FHOD1: variants seen among roughly 807,000 people sequenced by gnomAD.
FHOD1 encodes the protein FH1/FH2 domain-containing protein 1.
Under a neutral mutation model 111.6 loss-of-function variants are expected in FHOD1, and 89 were observed. That is an observed-to-expected ratio of 0.80 (90% CI 0.67 to 0.95). The LOEUF (loss-of-function observed/expected upper bound fraction) is 0.95, where lower values mean the gene tolerates loss of function less well. Among genes scored for constraint, FHOD1 ranks in the 40% least tolerant of loss-of-function variants. The probability of loss-of-function intolerance (pLI) is 0.00; values close to 1 mark genes in which losing one functional copy is unlikely to be tolerated. For synonymous variants in FHOD1, 618 were observed against 639.0 expected (o/e 0.97, Z 0.50); for missense variants, 1,446 against 1,554.2 (o/e 0.93, Z 1.17).
intron 1 of FHOD1, among the ~76,000 whole-genome samples, chr16:67,246,229 G>A (rs2034822529): frequency 6.6e-6 from 1 of 152,206 alleles, no homozygotes; most frequent in African/African-American, 2.4e-5. Context: ...TACGCAACTC[G>A]CCGCCCAGCT....
At chr16:67,241,127 C>G (rs1446582568) in intron 1 of FHOD1, among the ~76,000 whole-genome samples, 1 of 133,600 alleles carries the variant, frequency 7.5e-6, no homozygotes, top group Non-Finnish European at 1.6e-5. Flanking sequence ...CCCCCCCCCG[C>G]CCACCCCCGC....
rs77703994 is a variant in FHOD1 at position 67,234,625 on chromosome 16, C to G, written c.1320-153G>C. The G allele has an allele frequency of 8.5e-4, 529 of 621,308 alleles. 6 individuals are homozygous for G. The East Asian group carries it at 9.4e-3, about 11-fold the overall frequency. The allele number at this position is 621,308 out of a possible 1,614,324, so 38.5% of individuals were successfully genotyped here. On this transcript the variant is annotated intron_variant, in intron 11 of 21. Coordinates refer to ENST00000258201, the MANE Select transcript of FHOD1 (RefSeq NM_013241.3). ...CTGAGCAGACCAGAACCACACCCCCCCCAAGGCCAGCCCCTCTTCAGTCCT... is the reference window on the plus strand; with the variant it reads ...CTGAGCAGACCAGAACCACACCCCCGCCAAGGCCAGCCCCTCTTCAGTCCT...
At chr16:67,235,664 C>A (rs187019809) in intron 11 of FHOD1, among the ~76,000 whole-genome samples, 1 of 152,280 alleles carries the variant, frequency 6.6e-6, no homozygotes, top group Admixed American at 6.5e-5. Flanking sequence ...CTGCCTTTCC[C>A]TCAGCCTTAG....
At chr16:67,246,932 C>T (rs921783192) in intron 1 of FHOD1, 9 of 463,478 alleles carry the variant, frequency 1.9e-5, no homozygotes, top group Non-Finnish European at 3.0e-5. Flanking sequence ...CCTGGCAGAC[C>T]GACGGCGAGT....
intron 1 of FHOD1, among the ~76,000 whole-genome samples, chr16:67,240,102 G>A (rs1012206898): frequency 6.6e-6 from 1 of 152,176 alleles, no homozygotes; most frequent in African/African-American, 2.4e-5. Context: ...GTGAGTAAGA[G>A]GGTGAAGACA....
chr16:67,241,091 T>A (rs1213798599), intron 1 of FHOD1, among the ~76,000 whole-genome samples: 1 of 147,810 alleles, frequency 6.8e-6, no homozygotes, highest in Non-Finnish European at 1.5e-5. Flanking sequence ...TCCCCACAGT[T>A]TAGCCTGTGG....
chr16:67,233,149 C>T (rs531458516), intron 13 of FHOD1, among the ~76,000 whole-genome samples: 2 of 151,592 alleles, frequency 1.3e-5, no homozygotes, highest in Admixed American at 1.3e-4. Flanking sequence ...TGCAATGGTG[C>T]GATCTCGACT....
At chr16:67,243,398 G>T (rs1289195697) in intron 1 of FHOD1, among the ~76,000 whole-genome samples, 1 of 150,268 alleles carries the variant, frequency 6.7e-6, no homozygotes, top group Non-Finnish European at 1.5e-5. Context: ...TTTTTTAATA[G>T]AAATAGGGTC....
At chr16:67,247,046 G>A (rs2034876975) in intron 1 of FHOD1, 164 bp downstream of exon 1, 3 of 748,442 alleles carry the variant, frequency 4.0e-6, no homozygotes, top group East Asian at 6.2e-5. Context: ...CTTGAGAGGG[G>A]ACTCCCCCGC....
rs779828448 is a variant in FHOD1 at position 67,247,442 on chromosome 16, C to G, written c.-32G>C. On this transcript the variant is annotated 5_prime_UTR_variant, in exon 1 of 22. Coordinates refer to ENST00000258201, the MANE Select transcript of FHOD1 (RefSeq NM_013241.3). ...GCGGCCGGCTCACGCAGCGCGCCTC[C>G]GAGTCCCGGCCCCAGTGCAGCTTCT... 3.7e-5 allele frequency: 60 copies of G among 1,606,092 alleles called. No homozygotes were observed. In the South Asian group the frequency reaches 6.1e-4, roughly 16 times the overall value.
intron 1 of FHOD1, among the ~76,000 whole-genome samples, chr16:67,241,116 C>CG (rs1251000269): frequency 1.6e-5 from 2 of 125,232 alleles, no homozygotes; most frequent in African/African-American, 6.0e-5. Context: ...CTTGGATGAC[C>CG]CCCCCCCCCG....
chr16:67,234,361 G>C lies in FHOD1; in HGVS notation c.1431C>G (p.His477Gln). 6.2e-7 allele frequency: 1 copy of C among 1,609,406 alleles called. No individual in the cohort carries two copies. The highest frequency in any genetic ancestry group is 8.5e-7 in the Non-Finnish European group (1 of 1,178,992). Residue 477 changes from histidine to glutamine, a missense_variant, in exon 12 of 22, where the codon CAC becomes CAG. This residue lies in a region of FHOD1 where 1,085 missense variants were observed against 1,108.8 expected (regional missense o/e 0.98). Transcript: ENST00000258201. ...AGAMPNEAGGHPDARQLWDSP... is the reference protein window; with the variant it reads ...AGAMPNEAGGQPDARQLWDSP... ...CCTGCTCACCCACCTACTCACCTGG[G>C]TGTCCACCCGCCTCATTGGGCATGG...
chr16:67,236,421 C>T, intron 11 of FHOD1, 136 bp downstream of exon 11: 1 of 1,479,972 alleles, frequency 6.8e-7, no homozygotes, highest in Non-Finnish European at 9.0e-7. Context: ...CAAACGGAAG[C>T]AGTTTGGTGA....
At chr16:67,240,385 G>C (rs575407969) in intron 1 of FHOD1, among the ~76,000 whole-genome samples, 1 of 152,276 alleles carries the variant, frequency 6.6e-6, no homozygotes, top group African/African-American at 2.4e-5. Flanking sequence ...AATTAGCCAG[G>C]CATGATGGCG....
Position 67,247,447 on chromosome 16 carries a change from C to G in FHOD1, c.-37G>C, listed in dbSNP as rs768636188. ...CGGCTCACGCAGCGCGCCTCCGAGT[C>G]CCGGCCCCAGTGCAGCTTCTACTCA... On this transcript the variant is annotated 5_prime_UTR_variant, in exon 1 of 22. Coordinates refer to ENST00000258201, the MANE Select transcript of FHOD1 (RefSeq NM_013241.3). The G allele has an allele frequency of 1.9e-5, 30 of 1,603,512 alleles. No homozygotes were observed. The highest frequency in any genetic ancestry group is 2.3e-5 in the Non-Finnish European group (27 of 1,174,832).
At position 67,237,926 on chromosome 16, in the gene FHOD1, C is replaced by T. The variant is rs113268787; in HGVS notation, c.642+108G>A. Reference sequence around the variant, plus strand: ...GGCACTGAAGTGCCTTATAGGCTTACAGAGGCCTCAGACTCACTCCCTTCC... The same window carrying T: ...GGCACTGAAGTGCCTTATAGGCTTATAGAGGCCTCAGACTCACTCCCTTCC... On this transcript the variant is annotated intron_variant, in intron 6 of 21. Coordinates refer to ENST00000258201, the MANE Select transcript of FHOD1 (RefSeq NM_013241.3). The surrounding 1 kb of genome is among the most constrained non-coding windows in gnomAD (Gnocchi z 5.6). The T allele has an allele frequency of 2.2e-6, 3 of 1,353,866 alleles. No individual in the cohort carries two copies. The South Asian group carries it at 3.7e-5, about 17-fold the overall frequency. 83.9% of individuals were successfully genotyped at this position (1,353,866 alleles called of 1,614,324 possible).
intron 13 of FHOD1, among the ~76,000 whole-genome samples, chr16:67,232,679 G>C (rs915041810): frequency 6.6e-6 from 1 of 152,160 alleles, no homozygotes; most frequent in African/African-American, 2.4e-5. Context: ...AGATTCTTTT[G>C]AGACAGGGCC....
rs1404494256 is a variant in FHOD1 at position 67,247,258 on chromosome 16, C to T, written c.153G>A (p.Leu51=). The change falls in exon 1 of 22, where the codon TTG becomes TTA. Residue 51 remains leucine (L), a synonymous_variant. Transcript: ENST00000258201. ...GGTGCACCGCGGGTATCTGCGCGCC[C>T]AAGGGCAGCGCCCCGTCCAGGCTGC... ...PTCSLDGALP[L]GAQIPAVHRL... 4 of 1,610,184 alleles carry T rather than the reference C, an allele frequency of 2.5e-6. No homozygotes were observed. In the East Asian group the frequency reaches 8.9e-5, roughly 36 times the overall value.
rs530863029 is a variant in FHOD1 at position 67,230,447 on chromosome 16, A to T, written c.2918T>A (p.Ile973Asn). ...CCGCAGCGTGTGGCAGAACTGCATG[A>T]TGCGCACTTCACGGGCCGCCTGCGG... ...YTPQAAREVR[I>N]MQFCHTLREF... The change falls in exon 19 of 22, where the codon ATC becomes AAC. Residue 973 changes from isoleucine (I) to asparagine (N), a missense_variant. Around this residue, in one of 3 missense-constraint regions of FHOD1, gnomAD observed 1,085 missense variants for 1,108.8 expected, o/e 0.98. Coordinates refer to ENST00000258201, the MANE Select transcript of FHOD1 (RefSeq NM_013241.3). 1.2e-6 allele frequency: 2 copies of T among 1,614,244 alleles called. No homozygotes were observed. Among genetic ancestry groups the T allele is most frequent in the Admixed American group, 3.3e-5 (2 of 60,028 alleles).
Sources: gnomAD v4.1 joint callset for allele counts (sites outside exome capture counted in the v4.1 genomes callset) on GRCh38, gnomAD v4.1.1 for gene constraint, gnomAD v4.1.1 regional missense constraint, Gnocchi (gnomAD v3.1) non-coding constraint, MANE v1.5 for transcripts, NCBI Gene and HGNC (gene_info 2026-07-23, HGNC 2026-07-21) for gene names.